Variants in VXN observed in about 807,000 individuals in gnomAD.
VXN encodes uncharacterized protein C8orf46.
A neutral mutation model predicts 23.1 loss-of-function variants in VXN; 7 were observed. The observed-to-expected ratio is 0.30, with a 90% CI of 0.17 to 0.57. VXN has a LOEUF of 0.57. Ranked by LOEUF, VXN falls within the 20% of genes least tolerant of loss-of-function variation. The pLI is 0.91. For synonymous variants in VXN, 120 were observed against 105.8 expected, an observed-to-expected ratio of 1.13 and a Z score of -0.83; for missense variants, 238 against 272.6, an observed-to-expected ratio of 0.87 and a Z score of 0.89.
intron 4 of VXN, among the ~76,000 whole-genome samples, chr8:66,510,781 A>G (rs1807812734): frequency 6.6e-6 from 1 of 152,134 alleles, no homozygotes; most frequent in African/African-American, 2.4e-5. Flanking sequence ...AGAGGGAGAT[A>G]CCTGGCATCT....
At chr8:66,515,641 G>T (rs1807878964) in intron 5 of VXN, among the ~76,000 whole-genome samples, 1 of 152,162 alleles carries the variant, frequency 6.6e-6, no homozygotes, top group Non-Finnish European at 1.5e-5. Context: ...CCAGAGCAGG[G>T]GGACAGTAGC....
At position 66,517,910 on chromosome 8, in the gene VXN, G is replaced by A. The variant is rs1032163485; in HGVS notation, c.*1834G>A. On this transcript the variant is annotated 3_prime_UTR_variant, in exon 6 of 6. Transcript: ENST00000305454. Reference sequence around the variant, plus strand: ...TGAGTTCCCTATTTCCATATCTCCAGGTGAATCCATGAGAAGCGAGAGGGT... The same window carrying A: ...TGAGTTCCCTATTTCCATATCTCCAAGTGAATCCATGAGAAGCGAGAGGGT... The A allele has an allele frequency of 6.6e-6, 1 of 152,218 alleles. No homozygotes were observed. Among genetic ancestry groups the A allele is most frequent in the African/African-American group, 2.4e-5 (1 of 41,432 alleles). The allele number at this position is 152,218 out of a possible 1,614,324, so 9.4% of individuals were successfully genotyped here.
intron 3 of VXN, among the ~76,000 whole-genome samples, chr8:66,505,936 C>T (rs1807751632): frequency 6.6e-6 from 1 of 152,164 alleles, no homozygotes; most frequent in African/African-American, 2.4e-5. Context: ...GGTTCACAGC[C>T]ACCATGGTCA....
chr8:66,505,555 C>T lies in VXN; in HGVS notation c.280+27C>T, dbSNP rs1326814244. ...TACGTGAGTCCCGGCCCCAGCTCCCCGCACCTCCCTGGGCGCAGAGACCCA... is the reference window on the plus strand; with the variant it reads ...TACGTGAGTCCCGGCCCCAGCTCCCTGCACCTCCCTGGGCGCAGAGACCCA... On this transcript the variant is annotated intron_variant, in intron 3 of 5. Coordinates refer to ENST00000305454, the MANE Select transcript of VXN (RefSeq NM_152765.4). The T allele has an allele frequency of 2.1e-6, 3 of 1,458,788 alleles. No homozygotes were observed. In the African/African-American group the frequency reaches 4.2e-5, roughly 21 times the overall value. The allele number at this position is 1,458,788 out of a possible 1,614,324, so 90.4% of individuals were successfully genotyped here.
intron 4 of VXN, among the ~76,000 whole-genome samples, chr8:66,512,065 C>CAA (rs35689084): frequency 2.9e-4 from 20 of 68,316 alleles, no homozygotes; most frequent in South Asian, 5.1e-4. Flanking sequence ...AACTCAGTTT[C>CAA]AAAAAAAAAA....
At chr8:66,510,012 G>C in intron 3 of VXN, 84 bp from the exon 4 acceptor site, 1 of 1,319,342 alleles carries the variant, frequency 7.6e-7, no homozygotes, top group Non-Finnish European at 1.1e-6. Context: ...TGGTTGATTG[G>C]CTAACAAGGT....
Position 66,516,771 on chromosome 8 carries a change from A to G in VXN, c.*695A>G, listed in dbSNP as rs564368705. 1.3e-5 allele frequency: 2 copies of G among 152,354 alleles called. No individual in the cohort carries two copies. The highest frequency in any genetic ancestry group is 6.5e-5 in the Admixed American group (1 of 15,304). The allele number at this position is 152,354 out of a possible 1,614,324, so 9.4% of individuals were successfully genotyped here. A position where few individuals can be genotyped will look rare whatever the true frequency, so the allele number is the denominator to read the frequency against. On this transcript the variant is annotated 3_prime_UTR_variant, in exon 6 of 6. Coordinates refer to ENST00000305454, the MANE Select transcript of VXN (RefSeq NM_152765.4). ...TGGTATAATAATTTGAACTTTTGAAAGTGCTTTCTCATCCGTTATCTCTTA... is the reference window on the plus strand; with the variant it reads ...TGGTATAATAATTTGAACTTTTGAAGGTGCTTTCTCATCCGTTATCTCTTA...
chr8:66,504,953 G>T (rs898142652), intron 2 of VXN, among the ~76,000 whole-genome samples: 8 of 152,254 alleles, frequency 5.3e-5, no homozygotes, highest in African/African-American at 1.9e-4. Flanking sequence ...GAACAAGGGC[G>T]TTGTCCACTC....
At chr8:66,493,918 G>A (rs890140911) in intron 1 of VXN, among the ~76,000 whole-genome samples, 200 bp downstream of exon 1, 13 of 152,114 alleles carry the variant, frequency 8.5e-5, no homozygotes, top group East Asian at 5.8e-4. Context: ...AATCCATCAA[G>A]GGGAAGGCGA....
At chr8:66,507,348 T>C (rs189080148) in intron 3 of VXN, among the ~76,000 whole-genome samples, 42 of 152,328 alleles carry the variant, frequency 2.8e-4, no homozygotes, top group African/African-American at 1.0e-3. Flanking sequence ...GTGATTCTAA[T>C]GCACCCTGAA....
In VXN at chr8:66,506,207, C is replaced by CAGAG. The variant is rs150065293; in HGVS notation, c.280+699_280+702dup. On this transcript the variant is annotated intron_variant, in intron 3 of 5. Coordinates refer to ENST00000305454, the MANE Select transcript of VXN (RefSeq NM_152765.4). ...AAGGAGGATCACATAATTTATTTAA[C>CAGAG]AGAGAGAGAGAGAGAGAGAGAGACA... Among the ~76,000 whole-genome samples, 73 of 140,176 alleles carry CAGAG rather than the reference C, an allele frequency of 5.2e-4. 1 individual carries two copies. Among genetic ancestry groups the CAGAG allele is most frequent in the East Asian group, 4.1e-3 (20 of 4,862 alleles). The allele number at this position is 140,176 out of a possible 152,430, so 92.0% of individuals were successfully genotyped here.
Position 66,493,594 on chromosome 8 carries a change from G to A in VXN, c.-55G>A. 2 of 1,477,828 alleles carry A rather than the reference G, an allele frequency of 1.4e-6. No individual in the cohort carries two copies. The highest frequency in any genetic ancestry group is 1.1e-5 in the South Asian group (1 of 88,260). The allele number at this position is 1,477,828 out of a possible 1,614,324, so 91.5% of individuals were successfully genotyped here. A position where few individuals can be genotyped will look rare whatever the true frequency, so the allele number is the denominator to read the frequency against. The stretch of plus-strand genomic sequence containing the variant: ...CTGGATTAGGATGCCTCGCGACTAG[G>A]GGTCCAGAGACAGAGGCCTCCAGTT... On this transcript the variant is annotated 5_prime_UTR_variant, in exon 1 of 6. Transcript: ENST00000305454.
At chr8:66,509,930 A>T (rs1807802722) in intron 3 of VXN, among the ~76,000 whole-genome samples, 166 bp from the exon 4 acceptor site, 1 of 152,198 alleles carries the variant, frequency 6.6e-6, no homozygotes, top group South Asian at 2.1e-4. Context: ...GAAGAGTGAC[A>T]GTTGCCTTGT....
chr8:66,493,771 G>A, intron 1 of VXN, 53 bp downstream of exon 1: 1 of 1,453,890 alleles, frequency 6.9e-7, no homozygotes, highest in Non-Finnish European at 9.6e-7. Context: ...TAGGCAGGAG[G>A]GGAAGGACAG....
intron 2 of VXN, among the ~76,000 whole-genome samples, chr8:66,499,072 G>A (rs778531677): frequency 6.6e-6 from 1 of 151,830 alleles, no homozygotes; most frequent in Non-Finnish European, 1.5e-5. Flanking sequence ...AAGAACCATG[G>A]GAAGGAGCAA....
chr8:66,495,076 A>G (rs1042138345), intron 1 of VXN: 2 of 152,246 alleles, frequency 1.3e-5, no homozygotes, highest in South Asian at 2.1e-4. Flanking sequence ...TATATTGTTT[A>G]TGGATATGTA....
Position 66,517,512 on chromosome 8 carries a change from A to C in VXN, c.*1436A>C, listed in dbSNP as rs1807910961. ...CATAGAGAAGGACCAAGGTTAATAAATGATTTTCATCCCAAACACTAAACA... is the reference window on the plus strand; with the variant it reads ...CATAGAGAAGGACCAAGGTTAATAACTGATTTTCATCCCAAACACTAAACA... On this transcript the variant is annotated 3_prime_UTR_variant, in exon 6 of 6. Transcript: ENST00000305454. 6.6e-6 allele frequency: 1 copy of C among 152,224 alleles called. No individual in the cohort carries two copies. The highest frequency in any genetic ancestry group is 2.4e-5 in the African/African-American group (1 of 41,458). 9.4% of individuals were successfully genotyped at this position (152,224 alleles called of 1,614,324 possible).
chr8:66,505,130 C>G (rs747151673), intron 2 of VXN: 107 of 639,920 alleles, frequency 1.7e-4, no homozygotes, highest in Middle Eastern at 2.5e-4. Context: ...ACACCCCTGC[C>G]CGCTCCAGAA....
intron 4 of VXN, 151 bp downstream of exon 4, chr8:66,510,308 A>C: frequency 1.5e-6 from 1 of 652,912 alleles, no homozygotes. Context: ...TTTGCTCCCA[A>C]AAGCTCTCAG....
Sources: allele counts gnomAD v4.1 joint callset (sites outside exome capture counted in the v4.1 genomes callset), GRCh38; gene constraint gnomAD v4.1.1; transcripts MANE v1.5; gene names NCBI Gene and HGNC (gene_info 2026-07-23, HGNC 2026-07-21).